Variants in LMO2 observed in about 807,000 individuals in gnomAD.
LMO2 encodes the protein rhombotin-2.
Under a neutral mutation model 23.2 loss-of-function variants are expected in LMO2, and 20 were observed. The ratio of observed to expected loss-of-function variants is 0.86; its 90% confidence interval spans 0.61 to 1.25. The LOEUF (loss-of-function observed/expected upper bound fraction) is 1.25, where lower values mean the gene tolerates loss of function less well. Ranked by LOEUF, LMO2 falls within the 50% of genes most tolerant of loss-of-function variation. The pLI, the probability that LMO2 is intolerant of heterozygous loss-of-function variation, is 0.00. For missense variants in LMO2, 270 were observed against 315.3 expected, an observed-to-expected ratio of 0.86 and a Z score of 1.09; for synonymous variants, 123 against 130.2, an observed-to-expected ratio of 0.94 and a Z score of 0.38.
chr11:33,859,239 C>T lies in LMO2; in HGVS notation c.*117G>A, dbSNP rs745337652. 2 of 699,978 alleles carry T rather than the reference C, an allele frequency of 2.9e-6. No homozygotes were observed. Among genetic ancestry groups the T allele is most frequent in the Non-Finnish European group, 5.0e-6 (2 of 403,298 alleles). 43.4% of individuals were successfully genotyped at this position (699,978 alleles called of 1,614,324 possible). A position where few individuals can be genotyped will look rare whatever the true frequency, so the allele number is the denominator to read the frequency against. ...ATACCCAATAAAGGTCTACCATCCC[C>T]TAAGAAATCCCTTACCCCACCCTCA... On this transcript the variant is annotated 3_prime_UTR_variant, in exon 6 of 6. Coordinates refer to ENST00000257818, the MANE Select transcript of LMO2 (RefSeq NM_005574.4).
At chr11:33,885,560 A>T (rs557059724) in intron 1 of LMO2, among the ~76,000 whole-genome samples, 2 of 152,380 alleles carry the variant, frequency 1.3e-5, no homozygotes, top group African/African-American at 4.8e-5. Flanking sequence ...TAGCCCGGAG[A>T]TAGCCTTAGG....
intron 1 of LMO2, among the ~76,000 whole-genome samples, chr11:33,884,867 AG>A (rs1041439006): frequency 6.6e-6 from 1 of 152,194 alleles, no homozygotes; most frequent in African/African-American, 2.4e-5. Context: ...CCTGGCAGTT[AG>A]GGGTTTTTGC....
At chr11:33,889,003 G>A (rs942665081) in intron 1 of LMO2, among the ~76,000 whole-genome samples, 3 of 152,194 alleles carry the variant, frequency 2.0e-5, no homozygotes, top group Non-Finnish European at 4.4e-5. Context: ...TACAAAGCCT[G>A]TCCTATTTCC....
At chr11:33,881,020 G>A (rs866750185) in intron 2 of LMO2, 1 of 363,958 alleles carries the variant, frequency 2.7e-6, no homozygotes, top group Non-Finnish European at 5.4e-6. Flanking sequence ...ACAGCATTAA[G>A]GAGCTCAATA....
chr11:33,879,399 C>T (rs540861603), intron 2 of LMO2, among the ~76,000 whole-genome samples: 4 of 150,738 alleles, frequency 2.7e-5, no homozygotes, highest in African/African-American at 9.8e-5. Context: ...GTGGGTGGAT[C>T]ACCTGCGGTC....
chr11:33,862,902 A>G (rs1856635588), intron 5 of LMO2, among the ~76,000 whole-genome samples: 1 of 152,098 alleles, frequency 6.6e-6, no homozygotes, highest in Non-Finnish European at 1.5e-5. Context: ...GAATTATTTC[A>G]TGTCACCAAG....
intron 2 of LMO2, among the ~76,000 whole-genome samples, chr11:33,878,618 A>G (rs2133709014): frequency 6.6e-6 from 1 of 152,292 alleles, no homozygotes; most frequent in East Asian, 1.9e-4. Context: ...GTTAGTACAA[A>G]TTCCTCTCCA....
intron 2 of LMO2, among the ~76,000 whole-genome samples, chr11:33,878,539 T>C (rs1341723790): frequency 3.9e-5 from 6 of 152,216 alleles, no homozygotes; most frequent in Non-Finnish European, 8.8e-5. Flanking sequence ...ATTGAGATAA[T>C]GTATGCAGTG....
intron 2 of LMO2, among the ~76,000 whole-genome samples, chr11:33,877,172 G>A (rs529847189): frequency 6.6e-6 from 1 of 152,318 alleles, no homozygotes; most frequent in South Asian, 2.1e-4. Context: ...TGGGACAGGT[G>A]AGTTAGGTTC....
chr11:33,869,408 G>A lies in LMO2; in HGVS notation c.186C>T (p.Pro62=), dbSNP rs1856919043. ...PRATKGAPPP[P]GTPPPSPMSS... ...ACATTGGGGAGGGAGGCGGGGTGCCGGGCGGCGGGGGCGCTCCCTTTGTGG... is the reference window on the plus strand; with the variant it reads ...ACATTGGGGAGGGAGGCGGGGTGCCAGGCGGCGGGGGCGCTCCCTTTGTGG... Residue 62 remains proline, a synonymous_variant, in exon 4 of 6, where the codon CCC becomes CCT. Transcript: ENST00000257818. 1.2e-5 allele frequency: 15 copies of A among 1,204,082 alleles called. No individual in the cohort carries two copies. Among genetic ancestry groups the A allele is most frequent in the African/African-American group, 1.6e-5 (1 of 62,686 alleles). 74.6% of individuals were successfully genotyped at this position (1,204,082 alleles called of 1,614,324 possible).
At chr11:33,875,790 T>G (rs113058054) in intron 2 of LMO2, among the ~76,000 whole-genome samples, 51 of 152,342 alleles carry the variant, frequency 3.3e-4, no homozygotes, top group Middle Eastern at 3.4e-3. Context: ...GCTGACTCAC[T>G]GAGCTGTCTT....
intron 4 of LMO2, 24 bp downstream of exon 4, chr11:33,869,322 C>T: frequency 3.4e-6 from 4 of 1,172,396 alleles, no homozygotes; most frequent in Non-Finnish European, 4.3e-6. Flanking sequence ...CCGGGGGTGG[C>T]AGGGGCAGGG....
In LMO2 at chr11:33,869,708, A is replaced by T. The variant is rs1469618646; in HGVS notation, c.7+2T>A. ...AGCTGCTGCTGCTGCTCAGGACTTA[A>T]CCTTCCATCCCGGTCCCGCCGCCGC... On this transcript the variant is annotated splice_donor_variant, in intron 3 of 5. Coordinates refer to ENST00000257818, the MANE Select transcript of LMO2 (RefSeq NM_005574.4). LOFTEE classifies it high-confidence loss of function. 3 of 1,279,636 alleles carry T rather than the reference A, an allele frequency of 2.3e-6. No individual in the cohort carries two copies. Among genetic ancestry groups the T allele is most frequent in the Non-Finnish European group, 3.0e-6 (3 of 989,066 alleles). 79.3% of individuals were successfully genotyped at this position (1,279,636 alleles called of 1,614,324 possible). A position where few individuals can be genotyped will look rare whatever the true frequency, so the allele number is the denominator to read the frequency against.
At chr11:33,877,343 C>T (rs1328725322) in intron 2 of LMO2, among the ~76,000 whole-genome samples, 3 of 151,902 alleles carry the variant, frequency 2.0e-5, no homozygotes, top group East Asian at 1.9e-4. Context: ...GAGGACAGGT[C>T]GCTGCTGGGG....
At position 33,859,064 on chromosome 11, in the gene LMO2, C is replaced by A. The variant is rs891446933; in HGVS notation, c.*292G>T. The stretch of plus-strand genomic sequence containing the variant: ...ATGAAATTCCATCATGATAGCACAG[C>A]GCCTGCTTGCCCCTAAATGTTCCTT... On this transcript the variant is annotated 3_prime_UTR_variant, in exon 6 of 6. Transcript: ENST00000257818. 2.4e-6 allele frequency: 1 copy of A among 420,148 alleles called. No individual in the cohort carries two copies. Among genetic ancestry groups the A allele is most frequent in the Non-Finnish European group, 4.4e-6 (1 of 227,854 alleles). The allele number at this position is 420,148 out of a possible 1,614,324, so 26.0% of individuals were successfully genotyped here. A position where few individuals can be genotyped will look rare whatever the true frequency, so the allele number is the denominator to read the frequency against.
At chr11:33,860,177 C>G (rs1312917424) in intron 5 of LMO2, among the ~76,000 whole-genome samples, 1 of 152,170 alleles carries the variant, frequency 6.6e-6, no homozygotes, top group African/African-American at 2.4e-5. Flanking sequence ...ACAGAAAACA[C>G]GCGGTGCAGC....
intron 5 of LMO2, among the ~76,000 whole-genome samples, chr11:33,862,475 C>T (rs766134476): frequency 6.6e-6 from 1 of 152,160 alleles, no homozygotes; most frequent in Non-Finnish European, 1.5e-5. Flanking sequence ...TCTTGGGTTC[C>T]CAACAATACA....
intron 4 of LMO2, among the ~76,000 whole-genome samples, chr11:33,867,339 G>T (rs747722332): frequency 1.4e-4 from 22 of 152,290 alleles, no homozygotes; most frequent in Non-Finnish European, 2.9e-4. Context: ...ACAACAGGAG[G>T]AATGTAAAGT....
chr11:33,862,274 C>T (rs529934965), intron 5 of LMO2, among the ~76,000 whole-genome samples: 44 of 152,304 alleles, frequency 2.9e-4, no homozygotes, highest in African/African-American at 1.0e-3. Context: ...GTACTCCCAC[C>T]ATGTCTGTCA....
Sources: allele counts gnomAD v4.1 joint callset (sites outside exome capture counted in the v4.1 genomes callset), GRCh38; gene constraint gnomAD v4.1.1; transcripts MANE v1.5; gene names NCBI Gene and HGNC (gene_info 2026-07-23, HGNC 2026-07-21).